The following RABGAP1L variants were observed in gnomAD, a reference collection of about 807,000 sequenced individuals.
The protein encoded by RABGAP1L is rab GTPase-activating protein 1-like.
Under a neutral mutation model 137.7 loss-of-function variants are expected in RABGAP1L, and 63 were observed. The observed-to-expected ratio is 0.46, with a 90% CI of 0.37 to 0.56. RABGAP1L has a LOEUF of 0.56. RABGAP1L is among the 20% of genes least tolerant of loss of function. The pLI, the probability that RABGAP1L is intolerant of heterozygous loss-of-function variation, is 0.00. For synonymous variants in RABGAP1L, 431 were observed against 433.7 expected (o/e 0.99, Z 0.08); for missense variants, 1,095 against 1,244.0 (o/e 0.88, Z 1.80).
chr1:174,430,977 C>G (rs1223903039), intron 13 of RABGAP1L, among the ~76,000 whole-genome samples: 1 of 152,044 alleles, frequency 6.6e-6, no homozygotes, highest in African/African-American at 2.4e-5. Context: ...GCTATAACAA[C>G]TTTGATATTT....
At chr1:174,932,081 T>C (rs1042141587) in intron 19 of RABGAP1L, among the ~76,000 whole-genome samples, 4 of 143,734 alleles carry the variant, frequency 2.8e-5, no homozygotes, top group African/African-American at 1.0e-4. Flanking sequence ...CTCTGAATGA[T>C]AGATAAGCAG....
chr1:174,301,278 G>T (rs12076425), intron 10 of RABGAP1L, among the ~76,000 whole-genome samples: 7,958 of 151,512 alleles, frequency 0.053, 674 homozygotes, highest in African/African-American at 0.18. Flanking sequence ...CACCCAGGCA[G>T]GGGTGCTGTG....
intron 19 of RABGAP1L, among the ~76,000 whole-genome samples, chr1:174,820,326 C>T (rs114681293): frequency 0.022 from 3,369 of 152,008 alleles, 54 homozygotes; most frequent in Middle Eastern, 0.085. Flanking sequence ...AAGAGGTATC[C>T]CTGATTTGTA....
At chr1:174,570,805 C>T (rs1667918925) in intron 13 of RABGAP1L, among the ~76,000 whole-genome samples, 1 of 152,022 alleles carries the variant, frequency 6.6e-6, no homozygotes, top group Non-Finnish European at 1.5e-5. Flanking sequence ...AAAAGAGAAC[C>T]CTTGTACACT....
chr1:174,567,256 A>G (rs1326926460), intron 13 of RABGAP1L, among the ~76,000 whole-genome samples: 3 of 152,152 alleles, frequency 2.0e-5, no homozygotes, highest in Non-Finnish European at 4.4e-5. Flanking sequence ...TACTTCATAT[A>G]GGTACAATTA....
At chr1:174,808,693 G>T (rs1197841353) in intron 18 of RABGAP1L, among the ~76,000 whole-genome samples, 2 of 147,674 alleles carry the variant, frequency 1.4e-5, no homozygotes, top group Non-Finnish European at 3.0e-5. Flanking sequence ...CACTCTTGTT[G>T]CCCAGGCTGG....
intron 11 of RABGAP1L, among the ~76,000 whole-genome samples, chr1:174,325,921 A>C (rs529222260): frequency 2.8e-4 from 43 of 152,350 alleles, no homozygotes; most frequent in African/African-American, 9.9e-4. Flanking sequence ...GCTCTCCCAC[A>C]TGGCCTAGGG....
intron 11 of RABGAP1L, among the ~76,000 whole-genome samples, chr1:174,350,188 G>GC (rs1682994696): frequency 2.1e-5 from 2 of 96,600 alleles, no homozygotes; most frequent in East Asian, 2.6e-4. Context: ...GCGGGGGGCT[G>GC]ACCCCCCCCC....
intron 10 of RABGAP1L, among the ~76,000 whole-genome samples, chr1:174,293,224 A>G (rs1189475450): frequency 6.6e-6 from 1 of 151,758 alleles, no homozygotes; most frequent in East Asian, 1.9e-4. Context: ...ATCACTATTT[A>G]AATTAGTTAT....
intron 13 of RABGAP1L, among the ~76,000 whole-genome samples, chr1:174,636,527 C>CAA (rs11348226): frequency 7.4e-6 from 1 of 135,306 alleles, no homozygotes. Context: ...GACTCTACTT[C>CAA]AAAAAAAAAA....
At chr1:174,424,523 C>CT (rs1651724981) in intron 13 of RABGAP1L, among the ~76,000 whole-genome samples, 2 of 152,022 alleles carry the variant, frequency 1.3e-5, no homozygotes, top group Admixed American at 6.6e-5. Context: ...ATTAGGACCT[C>CT]TAACAACAAC....
At chr1:174,282,337 G>T (rs1156574160) in intron 10 of RABGAP1L, among the ~76,000 whole-genome samples, 2 of 152,142 alleles carry the variant, frequency 1.3e-5, no homozygotes, top group Non-Finnish European at 2.9e-5. Context: ...ATTCTTAGGG[G>T]TGTGTAGATG....
Position 174,492,443 on chromosome 1 carries a change from G to A in RABGAP1L, c.1710+98298G>A, listed in dbSNP as rs115221138. Among the ~76,000 whole-genome samples the A allele has an allele frequency of 9.8e-3, 1,488 of 151,312 alleles. 11 individuals are homozygous for A. The highest frequency in any genetic ancestry group is 0.013 in the Non-Finnish European group (890 of 67,902). On this transcript the variant is annotated intron_variant, in intron 13 of 25. Transcript: ENST00000681986. ...GGCTCACTGCAACCTCTGCCTCGCA[G>A]ATTCAAGCGATTCTCCATCTAAGCC...
At chr1:174,619,039 A>G (rs1019699921) in intron 13 of RABGAP1L, among the ~76,000 whole-genome samples, 1 of 152,250 alleles carries the variant, frequency 6.6e-6, no homozygotes, top group Non-Finnish European at 1.5e-5. Context: ...AAAGGGTATC[A>G]GTGATGGAAA....
At chr1:174,572,514 C>T (rs1239207842) in intron 13 of RABGAP1L, among the ~76,000 whole-genome samples, 1 of 152,070 alleles carries the variant, frequency 6.6e-6, no homozygotes, top group Non-Finnish European at 1.5e-5. Flanking sequence ...TCCTGAGTAG[C>T]TAGGACTACA....
At chr1:174,203,247 AT>A (rs1558028905) in intron 1 of RABGAP1L, among the ~76,000 whole-genome samples, 1 of 152,002 alleles carries the variant, frequency 6.6e-6, no homozygotes, top group East Asian at 1.9e-4. Context: ...TCCCATCACT[AT>A]TTATTGAATA....
At chr1:174,640,181 C>G (rs1674414197) in intron 14 of RABGAP1L, among the ~76,000 whole-genome samples, 1 of 152,044 alleles carries the variant, frequency 6.6e-6, no homozygotes, top group African/African-American at 2.4e-5. Flanking sequence ...ATACATCCTA[C>G]CCTGTAGACC....
chr1:174,710,877 T>C lies in RABGAP1L; in HGVS notation c.2169+8621T>C, dbSNP rs149426012. Among the ~76,000 whole-genome samples, 1,452 of 152,144 alleles carry C rather than the reference T, an allele frequency of 9.5e-3. 24 individuals are homozygous for C. Among genetic ancestry groups the C allele is most frequent in the African/African-American group, 0.034 (1,391 of 41,506 alleles). On this transcript the variant is annotated intron_variant, in intron 17 of 25. Transcript: ENST00000681986. The stretch of plus-strand genomic sequence containing the variant: ...CCCAATTAAAAGACAGACTGGCAAA[T>C]TGGATAAAGAGTCAAGACCCATTGG...
intron 18 of RABGAP1L, among the ~76,000 whole-genome samples, chr1:174,767,371 A>C (rs1216242216): frequency 1.3e-5 from 2 of 152,128 alleles, no homozygotes; most frequent in African/African-American, 2.4e-5. Context: ...TTTTTTGATG[A>C]TACTTTGTGG....
Sources: gnomAD v4.1 joint callset for allele counts (sites outside exome capture counted in the v4.1 genomes callset) on GRCh38, gnomAD v4.1.1 for gene constraint, MANE v1.5 for transcripts, NCBI Gene and HGNC (gene_info 2026-07-23, HGNC 2026-07-21) for gene names.